Variants in PPP3R1 observed in about 807,000 individuals in gnomAD.
PPP3R1 encodes calcineurin subunit B type 1.
Under a neutral mutation model 22.6 loss-of-function variants are expected in PPP3R1, and 5 were observed. That is an observed-to-expected ratio of 0.22 (90% CI 0.12 to 0.46). PPP3R1 has a LOEUF of 0.46. PPP3R1 is among the 20% of genes least tolerant of loss of function. The pLI, the probability that PPP3R1 is intolerant of heterozygous loss-of-function variation, is 0.99. For missense variants in PPP3R1, 61 were observed against 203.2 expected (o/e 0.30, Z 4.25); for synonymous variants, 56 against 65.2 (o/e 0.86, Z 0.68).
At chr2:68,192,781 A>G (rs74650257) in intron 2 of PPP3R1, among the ~76,000 whole-genome samples, 5,906 of 152,240 alleles carry the variant, frequency 0.039, 342 homozygotes, top group African/African-American at 0.13. Context: ...TTCTAATACA[A>G]AAAGTCTAAA....
intron 1 of PPP3R1, among the ~76,000 whole-genome samples, chr2:68,250,288 G>T (rs562936193): frequency 1.3e-5 from 2 of 152,128 alleles, no homozygotes; most frequent in African/African-American, 4.8e-5. Flanking sequence ...AGAAAACAGA[G>T]TTAACAGGAA....
At chr2:68,207,497 T>C (rs897211841) in intron 2 of PPP3R1, among the ~76,000 whole-genome samples, 1 of 152,218 alleles carries the variant, frequency 6.6e-6, no homozygotes, top group Non-Finnish European at 1.5e-5. Context: ...ACCATGACTT[T>C]TGCCATCCCA....
chr2:68,207,097 T>G, intron 2 of PPP3R1, among the ~76,000 whole-genome samples: 1 of 115,038 alleles, frequency 8.7e-6, no homozygotes, highest in African/African-American at 2.8e-5. Context: ...GTAAAGAGGT[T>G]TTGGGAAAAA....
At chr2:68,187,399 G>A in intron 3 of PPP3R1, 85 bp from the exon 4 acceptor site, 1 of 1,190,426 alleles carries the variant, frequency 8.4e-7, no homozygotes, top group Non-Finnish European at 1.2e-6. Flanking sequence ...CCCACAAAAG[G>A]ATATTTCCTT....
intron 2 of PPP3R1, among the ~76,000 whole-genome samples, chr2:68,198,228 TATATGTATACAC>T (rs1330461137): frequency 8.5e-6 from 1 of 117,434 alleles, no homozygotes; most frequent in Non-Finnish European, 1.8e-5. Context: ...ACATTTTACA[TATATGTATACAC>T]ATATGTACAT....
chr2:68,230,531 T>C (rs1161997336), intron 1 of PPP3R1, among the ~76,000 whole-genome samples: 3 of 152,284 alleles, frequency 2.0e-5, no homozygotes, highest in Non-Finnish European at 4.4e-5. Context: ...TATTGTAATT[T>C]TTGCTTCAAC....
intron 2 of PPP3R1, among the ~76,000 whole-genome samples, chr2:68,194,307 G>A (rs1237407092): frequency 1.3e-5 from 2 of 152,032 alleles, no homozygotes; most frequent in African/African-American, 2.4e-5. Flanking sequence ...CACTCTGACG[G>A]TTCTCACGGA....
chr2:68,188,446 T>TTAA, intron 3 of PPP3R1, 68 bp downstream of exon 3: 3 of 1,193,358 alleles, frequency 2.5e-6, no homozygotes, highest in Non-Finnish European at 3.4e-6. Context: ...TTTTTTTTTT[T>TTAA]ACACAGAGCT....
At chr2:68,195,434 C>T (rs917891619) in intron 2 of PPP3R1, among the ~76,000 whole-genome samples, 5 of 152,130 alleles carry the variant, frequency 3.3e-5, no homozygotes, top group Non-Finnish European at 7.4e-5. Flanking sequence ...ACTTTGATCA[C>T]TTGGCCAAGG....
chr2:68,234,159 C>G (rs1018731608), intron 1 of PPP3R1, among the ~76,000 whole-genome samples: 6 of 151,958 alleles, frequency 3.9e-5, no homozygotes, highest in African/African-American at 1.5e-4. Context: ...CTGGCTAACA[C>G]GGTGAAACCC....
chr2:68,212,415 T>C (rs999255458), intron 2 of PPP3R1, among the ~76,000 whole-genome samples: 1 of 152,192 alleles, frequency 6.6e-6, no homozygotes, highest in African/African-American at 2.4e-5. Context: ...TTTGCCCAGG[T>C]CCATCAGAGG....
At chr2:68,194,296 G>A (rs190284789) in intron 2 of PPP3R1, among the ~76,000 whole-genome samples, 28 of 152,148 alleles carry the variant, frequency 1.8e-4, no homozygotes, top group Non-Finnish European at 3.5e-4. Context: ...TCGATCAATT[G>A]CACTCTGACG....
At chr2:68,232,999 C>T (rs917891513) in intron 1 of PPP3R1, among the ~76,000 whole-genome samples, 2 of 152,206 alleles carry the variant, frequency 1.3e-5, no homozygotes, top group African/African-American at 4.8e-5. Flanking sequence ...CTATAATATA[C>T]AATCACAAAC....
chr2:68,192,124 T>TACC (rs1674679328), intron 2 of PPP3R1, among the ~76,000 whole-genome samples: 1 of 152,190 alleles, frequency 6.6e-6, no homozygotes, highest in Non-Finnish European at 1.5e-5. Flanking sequence ...GCTAACCAGG[T>TACC]ACCAATCAGC....
At chr2:68,206,819 A>G (rs1046442422) in intron 2 of PPP3R1, among the ~76,000 whole-genome samples, 3 of 152,228 alleles carry the variant, frequency 2.0e-5, no homozygotes, top group Non-Finnish European at 2.9e-5. Flanking sequence ...AGTATGTTAC[A>G]GCATATAATT....
At chr2:68,197,113 C>A (rs957552780) in intron 2 of PPP3R1, among the ~76,000 whole-genome samples, 1 of 152,142 alleles carries the variant, frequency 6.6e-6, no homozygotes, top group Admixed American at 6.5e-5. Flanking sequence ...TAAGTTTTGA[C>A]AAATGCATAT....
At chr2:68,228,861 C>T (rs562926527) in intron 1 of PPP3R1, among the ~76,000 whole-genome samples, 1 of 152,076 alleles carries the variant, frequency 6.6e-6, no homozygotes, top group East Asian at 1.9e-4. Flanking sequence ...TCATGAAGCT[C>T]AATGTATTTT....
intron 2 of PPP3R1, 104 bp downstream of exon 2, chr2:68,216,987 TA>T: frequency 1.2e-6 from 1 of 819,014 alleles, no homozygotes; most frequent in Non-Finnish European, 1.9e-6. Flanking sequence ...CAAAGGTAAG[TA>T]AATATACATT....
chr2:68,244,787 G>A (rs898425240), intron 1 of PPP3R1, among the ~76,000 whole-genome samples: 1 of 151,782 alleles, frequency 6.6e-6, no homozygotes, highest in East Asian at 1.9e-4. Flanking sequence ...GACACTCACT[G>A]CCTTCAATGT....
Sources: gnomAD v4.1 joint callset for allele counts (sites outside exome capture counted in the v4.1 genomes callset) on GRCh38, gnomAD v4.1.1 for gene constraint, MANE v1.5 for transcripts, NCBI Gene and HGNC (gene_info 2026-07-23, HGNC 2026-07-21) for gene names.